The following BIRC6 variants were observed in gnomAD, a reference collection of about 807,000 sequenced individuals.
BIRC6 encodes the protein dual E2 ubiquitin-conjugating enzyme/E3 ubiquitin-protein ligase BIRC6.
A neutral mutation model predicts 503.3 loss-of-function variants in BIRC6; 98 were observed. The ratio of observed to expected loss-of-function variants is 0.19; its 90% CI spans 0.17 to 0.23. The LOEUF (loss-of-function observed/expected upper bound fraction) is 0.23, where lower values mean the gene tolerates loss of function less well. Ranked by LOEUF, BIRC6 falls within the 10% of genes least tolerant of loss-of-function variation. BIRC6 has a pLI of 1.00. For missense variants in BIRC6, 5,360 were observed against 5,806.0 expected, an observed-to-expected ratio of 0.92 and a Z score of 2.50; for synonymous variants, 2,240 against 2,078.7, an observed-to-expected ratio of 1.08 and a Z score of -2.11.
Position 32,464,758 on chromosome 2 carries a change from T to G in BIRC6, c.5191T>G (p.Ser1731Ala). 1 of 1,614,024 alleles carries G rather than the reference T, an allele frequency of 6.2e-7. No homozygotes were observed. Among genetic ancestry groups the G allele is most frequent in the Non-Finnish European group, 8.5e-7 (1 of 1,179,888 alleles). Residue 1731 changes from serine (S) to alanine (A), a missense_variant, in exon 25 of 74, where the codon TCA becomes GCA. This residue lies in a region of BIRC6 where 2,299 missense variants were observed against 2,267.2 expected (regional missense o/e 1.01). Transcript: ENST00000421745. ...CGAACTTGCACAGCTTTTCCCAGGCTCAGTCATTGATCCCCCAGCAGTCAA... is the reference window on the plus strand; with the variant it reads ...CGAACTTGCACAGCTTTTCCCAGGCGCAGTCATTGATCCCCCAGCAGTCAA... ...NAELAQLFPG[S>A]VIDPPAVNLA...
intron 23 of BIRC6, among the ~76,000 whole-genome samples, chr2:32,460,800 A>T (rs1390343597): frequency 6.6e-6 from 1 of 151,812 alleles, no homozygotes; most frequent in African/African-American, 2.4e-5. Context: ...AATTAAATGT[A>T]AATGTTCACA....
rs185514236 is a variant in BIRC6 at position 32,380,620 on chromosome 2, G to A, written c.645+330G>A. On this transcript the variant is annotated intron_variant, in intron 3 of 73. Coordinates refer to ENST00000421745, the MANE Select transcript of BIRC6 (RefSeq NM_016252.4). ...CAGGCGCCTGTAATCCCAGCTACTT[G>A]GAGGCTGAGACATGAGAATCACTTG... Among the ~76,000 whole-genome samples the A allele has an allele frequency of 7.1e-4, 108 of 152,192 alleles. 1 individual carries two copies. Among genetic ancestry groups the A allele is most frequent in the Admixed American group, 4.1e-3 (63 of 15,274 alleles).
intron 69 of BIRC6, among the ~76,000 whole-genome samples, chr2:32,599,533 G>A (rs1053124815): frequency 1.3e-5 from 2 of 151,902 alleles, no homozygotes; most frequent in Non-Finnish European, 2.9e-5. Flanking sequence ...AGCTATTCAG[G>A]AGGCTGAGGC....
chr2:32,446,755 T>G (rs1032153633), intron 21 of BIRC6, among the ~76,000 whole-genome samples: 59 of 137,814 alleles, frequency 4.3e-4, no homozygotes, highest in Non-Finnish European at 8.4e-4. Context: ...TTTTTTTTTT[T>G]TTTTTTTTTT....
At chr2:32,364,444 T>C (rs2034580389) in intron 1 of BIRC6, among the ~76,000 whole-genome samples, 1 of 152,150 alleles carries the variant, frequency 6.6e-6, no homozygotes, top group African/African-American at 2.4e-5. Context: ...AGTTTCACCA[T>C]GTTGGTCAGG....
chr2:32,517,640 A>G (rs1346299443), intron 55 of BIRC6, among the ~76,000 whole-genome samples: 1 of 152,222 alleles, frequency 6.6e-6, no homozygotes, highest in East Asian at 1.9e-4. Flanking sequence ...CAGTTGCACA[A>G]TCAGTGAGCC....
At chr2:32,411,041 T>A (rs145719683) in intron 9 of BIRC6, among the ~76,000 whole-genome samples, 17 of 150,478 alleles carry the variant, frequency 1.1e-4, no homozygotes, top group Admixed American at 3.3e-4. Flanking sequence ...CACCTTGAGT[T>A]CATTTTTTTT....
Position 32,544,872 on chromosome 2 carries a change from A to AT in BIRC6, c.12593-762dup, listed in dbSNP as rs559526731. Among the ~76,000 whole-genome samples the AT allele has an allele frequency of 8.8e-3, 1,327 of 151,158 alleles. 9 individuals are homozygous for AT. Among genetic ancestry groups the AT allele is most frequent in the Middle Eastern group, 0.021 (6 of 292 alleles). ...CAGGAATTTCTAATTACTTGATCTG[A>AT]TTTTTTTTTAAGTAGATAGAGGGGT... is the stretch of plus-strand genomic sequence containing the variant. On this transcript the variant is annotated intron_variant, in intron 62 of 73. Coordinates refer to ENST00000421745, the MANE Select transcript of BIRC6 (RefSeq NM_016252.4).
chr2:32,485,068 A>C (rs548331341), intron 39 of BIRC6, among the ~76,000 whole-genome samples: 1 of 152,336 alleles, frequency 6.6e-6, no homozygotes, highest in South Asian at 2.1e-4. Context: ...TTCTTAAAGG[A>C]GCATGGTATT....
chr2:32,491,562 A>G lies in BIRC6; in HGVS notation c.8340+4A>G, dbSNP rs1363556325. 3 of 1,611,962 alleles carry G rather than the reference A, an allele frequency of 1.9e-6. No homozygotes were observed. Among genetic ancestry groups the G allele is most frequent in the African/African-American group, 1.3e-5 (1 of 74,876 alleles). The stretch of plus-strand genomic sequence containing the variant: ...AACAAATCAACACAGTCCACAGGTA[A>G]TATGATGTTTAGCCTGGCATATGCC... On this transcript the variant is annotated splice_donor_region_variant and intron_variant, in intron 44 of 73. Transcript: ENST00000421745.
At position 32,525,594 on chromosome 2, in the gene BIRC6, C is replaced by T; in HGVS notation, c.11886C>T (p.Val3962=). The change falls in exon 59 of 74, where the codon GTC becomes GTT. Residue 3962 remains valine (V), a synonymous_variant. Transcript: ENST00000421745. ...AGGCTGCCAACAAAATAATTACTGTCCCAGTGTTTCACCTGTTTCACAAAC... is the reference window on the plus strand; with the variant it reads ...AGGCTGCCAACAAAATAATTACTGTTCCAGTGTTTCACCTGTTTCACAAAC... ...GAEAANKIIT[V]PVFHLFHKLL... is the part of the protein sequence containing the mutation. The T allele has an allele frequency of 1.9e-6, 3 of 1,613,742 alleles. No homozygotes were observed. Among genetic ancestry groups the T allele is most frequent in the South Asian group, 1.1e-5 (1 of 91,042 alleles).
At chr2:32,575,616 T>A (rs1207515784) in intron 66 of BIRC6, among the ~76,000 whole-genome samples, 1 of 151,918 alleles carries the variant, frequency 6.6e-6, no homozygotes, top group Non-Finnish European at 1.5e-5. Context: ...TACCAAAAAA[T>A]TAGCCAGGCA....
At position 32,575,233 on chromosome 2, in the gene BIRC6, A is replaced by T; in HGVS notation, c.13222A>T (p.Met4408Leu). Residue 4408 changes from methionine to leucine, a missense_variant, in exon 66 of 74, where the codon ATG becomes TTG. Met to Leu is a conservative substitution (Grantham distance 15). This residue lies in a region of BIRC6 where 477 missense variants were observed against 574.4 expected (regional missense o/e 0.83). Transcript: ENST00000421745. The stretch of plus-strand genomic sequence containing the variant: ...TCGGGCCATTGCTTCTTGTGCTGCC[A>T]TGGTGCCCCTATTGTTGCCCCTTTC... ...LLRAIASCAA[M>L]VPLLLPLSTE... 2 of 1,614,024 alleles carry T rather than the reference A, an allele frequency of 1.2e-6. No individual in the cohort carries two copies. The highest frequency in any genetic ancestry group is 1.7e-6 in the Non-Finnish European group (2 of 1,179,892).
chr2:32,370,774 ATCT>A (rs1374574146), intron 1 of BIRC6, among the ~76,000 whole-genome samples: 4 of 152,096 alleles, frequency 2.6e-5, no homozygotes, highest in Non-Finnish European at 5.9e-5. Context: ...ACAGGCTTGT[ATCT>A]TCTTTATTGA....
At chr2:32,490,232 C>G (rs1388105370) in intron 43 of BIRC6, 81 bp downstream of exon 43, 8 of 1,230,038 alleles carry the variant, frequency 6.5e-6, no homozygotes, top group Non-Finnish European at 9.5e-6. Context: ...CAGAGTTTTC[C>G]AAGGAGTGGT....
At chr2:32,572,289 C>T (rs1270027137) in intron 65 of BIRC6, among the ~76,000 whole-genome samples, 1 of 152,190 alleles carries the variant, frequency 6.6e-6, no homozygotes, top group Non-Finnish European at 1.5e-5. Context: ...TTTTCTGTCT[C>T]AATTATCTTT....
chr2:32,493,608 A>G lies in BIRC6; in HGVS notation c.8409A>G (p.Thr2803=), dbSNP rs2052028754. 3.7e-6 allele frequency: 6 copies of G among 1,608,798 alleles called. No individual in the cohort carries two copies. The South Asian group carries it at 4.4e-5, about 12-fold the overall frequency. ...GATTACAAGTGCATCTTTCTTCAAC[A>G]TGTCCTCAGATATTCAGTGAATTTT... ...LTRLQVHLSS[T]CPQIFSEFLL... is the part of the protein sequence containing the mutation. The change falls in exon 45 of 74, where the codon ACA becomes ACG. Residue 2803 remains threonine, a synonymous_variant. Coordinates refer to ENST00000421745, the MANE Select transcript of BIRC6 (RefSeq NM_016252.4).
chr2:32,543,571 CAT>C (rs1344304824), intron 62 of BIRC6, 30 bp downstream of exon 62: 37 of 1,592,538 alleles, frequency 2.3e-5, no homozygotes, highest in Non-Finnish European at 3.1e-5. Flanking sequence ...TTTATCAACA[CAT>C]ATGTGAATAG....
chr2:32,445,106 C>T (rs1050033088), intron 20 of BIRC6, among the ~76,000 whole-genome samples: 1 of 152,150 alleles, frequency 6.6e-6, no homozygotes, highest in Non-Finnish European at 1.5e-5. Context: ...CACTGCCATC[C>T]ACTATTTTTT....
Sources: gnomAD v4.1 joint callset for allele counts (sites outside exome capture counted in the v4.1 genomes callset) on GRCh38, gnomAD v4.1.1 for gene constraint, gnomAD v4.1.1 regional missense constraint, MANE v1.5 for transcripts, NCBI Gene and HGNC (gene_info 2026-07-23, HGNC 2026-07-21) for gene names.